PEDS1: variants seen among roughly 807,000 people sequenced by gnomAD.
PEDS1 encodes CarF homolog.
In PEDS1, 14 loss-of-function variants were observed where a neutral mutation model predicts 35.2. That is an observed-to-expected ratio of 0.40 (90% CI 0.26 to 0.62). PEDS1 has a LOEUF of 0.62. Ranked by LOEUF, PEDS1 falls within the 20% of genes least tolerant of loss-of-function variation. PEDS1 has a pLI of 0.44. For synonymous variants in PEDS1, 152 were observed against 152.0 expected, an observed-to-expected ratio of 1.00 and a Z score of 0.00; for missense variants, 260 against 367.8, an observed-to-expected ratio of 0.71 and a Z score of 2.40.
intron 5 of PEDS1, among the ~76,000 whole-genome samples, chr20:50,126,699 G>C (rs2081109056): frequency 6.6e-6 from 1 of 152,166 alleles, no homozygotes; most frequent in Non-Finnish European, 1.5e-5. Context: ...AGTTAGACTT[G>C]ACAGCACCTG....
At chr20:50,149,356 G>A (rs1334281507) in intron 1 of PEDS1, among the ~76,000 whole-genome samples, 1 of 152,112 alleles carries the variant, frequency 6.6e-6, no homozygotes, top group Non-Finnish European at 1.5e-5. Context: ...GGTGGATCAA[G>A]GACCGTGAGG....
intron 5 of PEDS1, among the ~76,000 whole-genome samples, chr20:50,126,563 A>G (rs181779943): frequency 1.3e-5 from 2 of 152,278 alleles, no homozygotes; most frequent in Non-Finnish European, 2.9e-5. Context: ...CATTCCCACT[A>G]TGGCCCTAAG....
chr20:50,152,564 G>C (rs1184370746), intron 1 of PEDS1, among the ~76,000 whole-genome samples: 1 of 152,152 alleles, frequency 6.6e-6, no homozygotes, highest in Non-Finnish European at 1.5e-5. Flanking sequence ...TGGGTGTAGG[G>C]GGGGTGCTTG....
rs2081155280 is a variant in PEDS1 at position 50,129,804 on chromosome 20, C to T, written c.334-114G>A. ...ACCTCCCGCCTTTGATCCTAAGTTT[C>T]CTCCACCCGGGATGCTTGAACATTC... On this transcript the variant is annotated intron_variant, in intron 3 of 5. Coordinates refer to ENST00000371652, the MANE Select transcript of PEDS1 (RefSeq NM_199129.4). The surrounding 1 kb of genome is among the most constrained non-coding windows in gnomAD (Gnocchi z 4.2). 3.4e-6 allele frequency: 5 copies of T among 1,490,420 alleles called. No individual in the cohort carries two copies. In the South Asian group the frequency reaches 6.5e-5, roughly 19 times the overall value. 92.3% of individuals were successfully genotyped at this position (1,490,420 alleles called of 1,614,324 possible).
chr20:50,130,306 T>C (rs891193699), intron 3 of PEDS1, among the ~76,000 whole-genome samples: 1 of 152,110 alleles, frequency 6.6e-6, no homozygotes, highest in Non-Finnish European at 1.5e-5. Flanking sequence ...TCTCTTTTCT[T>C]GGGAGCTGGA....
chr20:50,148,514 G>T (rs2081368976), intron 1 of PEDS1, among the ~76,000 whole-genome samples: 1 of 152,240 alleles, frequency 6.6e-6, no homozygotes, highest in Admixed American at 6.5e-5. Context: ...TTGGCCTGAG[G>T]AAGGGGCTGG....
At position 50,147,622 on chromosome 20, in the gene PEDS1, G is replaced by A. The variant is rs142235267; in HGVS notation, c.122-4001C>T. 9.2e-4 allele frequency among the ~76,000 whole-genome samples: 140 copies of A among 152,310 alleles called. 1 individual carries two copies. Among genetic ancestry groups the A allele is most frequent in the Non-Finnish European group, 1.7e-3 (116 of 68,022 alleles). The stretch of plus-strand genomic sequence containing the variant: ...CGTTCGGGGCAGTCCTGAAACCAAA[G>A]ATGATCCAGCTCTCTCCCCACGCCA... On this transcript the variant is annotated intron_variant, in intron 1 of 5. Transcript: ENST00000371652.
At position 50,129,486 on chromosome 20, in the gene PEDS1, T is replaced by TG; in HGVS notation, c.478+59dup. On this transcript the variant is annotated intron_variant, in intron 4 of 5. Transcript: ENST00000371652. The surrounding 1 kb of genome is among the most constrained non-coding windows in gnomAD (Gnocchi z 4.2). ...AAACACATAAGCCCCAGAAGGCTCC[T>TG]GGGGGTCGGCCTCTGCCCCCAAGGC... 1 of 1,607,408 alleles carries TG rather than the reference T, an allele frequency of 6.2e-7. No individual in the cohort carries two copies. Among genetic ancestry groups the TG allele is most frequent in the East Asian group, 2.2e-5 (1 of 44,722 alleles).
chr20:50,140,721 C>T (rs1051446027), intron 2 of PEDS1, among the ~76,000 whole-genome samples: 4 of 152,182 alleles, frequency 2.6e-5, no homozygotes, highest in Admixed American at 1.3e-4. Flanking sequence ...TTTATTAACT[C>T]GACATCTTTT....
chr20:50,145,456 A>T (rs2081335782), intron 1 of PEDS1, among the ~76,000 whole-genome samples: 1 of 152,158 alleles, frequency 6.6e-6, no homozygotes. Context: ...GCACCTTGGG[A>T]GGCCGAGGCA....
chr20:50,145,328 A>G (rs2081334743), intron 1 of PEDS1, among the ~76,000 whole-genome samples: 1 of 152,176 alleles, frequency 6.6e-6, no homozygotes, highest in South Asian at 2.1e-4. Context: ...CCAGGAGTTC[A>G]AGACCAGCTT....
chr20:50,129,805 C>T lies in PEDS1; in HGVS notation c.334-115G>A. 1 of 1,488,058 alleles carries T rather than the reference C, an allele frequency of 6.7e-7. No individual in the cohort carries two copies. The highest frequency in any genetic ancestry group is 9.0e-7 in the Non-Finnish European group (1 of 1,114,922). The allele number at this position is 1,488,058 out of a possible 1,614,324, so 92.2% of individuals were successfully genotyped here. ...CCTCCCGCCTTTGATCCTAAGTTTC[C>T]TCCACCCGGGATGCTTGAACATTCC... On this transcript the variant is annotated intron_variant, in intron 3 of 5. Coordinates refer to ENST00000371652, the MANE Select transcript of PEDS1 (RefSeq NM_199129.4). The surrounding 1 kb of genome is among the most constrained non-coding windows in gnomAD (Gnocchi z 4.2).
At chr20:50,125,242 G>C (rs893732331) in intron 5 of PEDS1, 63 bp from the exon 6 acceptor site, 22 of 1,591,154 alleles carry the variant, frequency 1.4e-5, no homozygotes, top group East Asian at 4.5e-5. Context: ...CATTGGAAGA[G>C]AGCTGACCTT....
intron 5 of PEDS1, among the ~76,000 whole-genome samples, chr20:50,127,491 G>A (rs1452546182): frequency 6.6e-6 from 1 of 152,066 alleles, no homozygotes; most frequent in African/African-American, 2.4e-5. Flanking sequence ...ACAGGTGCCT[G>A]CCACCAAGCC....
rs778548596 is a variant in PEDS1 at position 50,143,560 on chromosome 20, C to G, written c.183G>C (p.Leu61=). 2 of 1,613,784 alleles carry G rather than the reference C, an allele frequency of 1.2e-6. No homozygotes were observed. Among genetic ancestry groups the G allele is most frequent in the African/African-American group, 1.3e-5 (1 of 74,900 alleles). The change falls in exon 2 of 6, where the codon CTG becomes CTC. Residue 61 remains leucine, a synonymous_variant. Transcript: ENST00000371652. ...ILCFSLIAHN[L]VHLLLLARWE... ...AGCGGGCCAGCAGCAGGAGATGGAC[C>G]AGGTTGTGGGCGATGAGGCTGAAGC...
intron 2 of PEDS1, among the ~76,000 whole-genome samples, chr20:50,140,677 T>C (rs754986521): frequency 3.9e-5 from 6 of 152,196 alleles, no homozygotes; most frequent in African/African-American, 7.2e-5. Flanking sequence ...TTAGCTTGAT[T>C]TTGCTTCCCA....
chr20:50,125,311 G>T, intron 5 of PEDS1, 132 bp from the exon 6 acceptor site: 1 of 1,258,532 alleles, frequency 7.9e-7, no homozygotes, highest in Non-Finnish European at 1.1e-6. Context: ...CACAGGGACC[G>T]GCCAAGGAAC....
chr20:50,138,771 G>A (rs1208216577), intron 2 of PEDS1, among the ~76,000 whole-genome samples: 2 of 152,204 alleles, frequency 1.3e-5, no homozygotes, highest in Admixed American at 1.3e-4. Context: ...TTGGGGTGGT[G>A]GCAGCTGGCA....
At position 50,119,785 on chromosome 20, in the gene PEDS1, C is replaced by G. The variant is rs967740586; in HGVS notation, c.*5273G>C. The G allele has an allele frequency of 1.3e-5, 2 of 152,152 alleles. No individual in the cohort carries two copies. The highest frequency in any genetic ancestry group is 2.9e-5 in the Non-Finnish European group (2 of 68,048). 9.4% of individuals were successfully genotyped at this position (152,152 alleles called of 1,614,324 possible). A position where few individuals can be genotyped will look rare whatever the true frequency, so the allele number is the denominator to read the frequency against. ...AACTTTTCTCTGTAAAGGGCCAGAT[C>G]GTAAATATTTTAGGCTGTGTGGACC... is the stretch of plus-strand genomic sequence containing the variant. On this transcript the variant is annotated 3_prime_UTR_variant, in exon 6 of 6. Coordinates refer to ENST00000371652, the MANE Select transcript of PEDS1 (RefSeq NM_199129.4).
Sources: gnomAD v4.1 joint callset for allele counts (sites outside exome capture counted in the v4.1 genomes callset) on GRCh38, gnomAD v4.1.1 for gene constraint, Gnocchi (gnomAD v3.1) non-coding constraint, MANE v1.5 for transcripts, NCBI Gene and HGNC (gene_info 2026-07-23, HGNC 2026-07-21) for gene names.